DOP1B: variants seen among roughly 807,000 people sequenced by gnomAD.
The protein encoded by DOP1B is protein DOP1B.
DOP1B carries 174 observed loss-of-function variants against 233.5 expected under a neutral mutation model. The observed-to-expected ratio is 0.75, with a 90% CI of 0.66 to 0.85. DOP1B has a LOEUF of 0.85. Among genes scored for constraint, DOP1B ranks in the 40% least tolerant of loss-of-function variants. DOP1B has a pLI of 0.00. For synonymous variants in DOP1B, 1,190 were observed against 1,185.6 expected (o/e 1.00, Z -0.08); for missense variants, 2,652 against 2,846.6 (o/e 0.93, Z 1.56).
chr21:36,282,757 C>T (rs2067432450), intron 32 of DOP1B, among the ~76,000 whole-genome samples: 1 of 152,116 alleles, frequency 6.6e-6, no homozygotes, highest in Non-Finnish European at 1.5e-5. Flanking sequence ...GGGTGGATCT[C>T]TTGAGGTCAG....
At chr21:36,228,064 C>T (rs952846132) in intron 13 of DOP1B, among the ~76,000 whole-genome samples, 187 bp downstream of exon 13, 2 of 152,164 alleles carry the variant, frequency 1.3e-5, no homozygotes, top group African/African-American at 4.8e-5. Flanking sequence ...TACAATGGCT[C>T]ACACCTGTAA....
chr21:36,232,502 G>C (rs765940344), intron 14 of DOP1B, among the ~76,000 whole-genome samples: 4 of 152,102 alleles, frequency 2.6e-5, no homozygotes, highest in African/African-American at 9.7e-5. Context: ...CATCAGTCCC[G>C]TCTCTGCCTT....
intron 2 of DOP1B, among the ~76,000 whole-genome samples, chr21:36,166,268 C>T (rs559703148): frequency 1.8e-4 from 27 of 151,708 alleles, no homozygotes; most frequent in African/African-American, 5.8e-4. Flanking sequence ...AACCCTGTCT[C>T]TACTAAAAAT....
chr21:36,188,127 A>G (rs952264890), intron 2 of DOP1B, among the ~76,000 whole-genome samples: 5 of 152,326 alleles, frequency 3.3e-5, no homozygotes, highest in South Asian at 2.1e-4. Context: ...GTATGTGGAT[A>G]ACTCATGCTG....
At chr21:36,214,973 G>A (rs1056781703) in intron 9 of DOP1B, among the ~76,000 whole-genome samples, 2 of 152,192 alleles carry the variant, frequency 1.3e-5, no homozygotes, top group African/African-American at 4.8e-5. Flanking sequence ...AGCCCAGGGG[G>A]TCGAGGCTGC....
chr21:36,271,137 A>G (rs538136477), intron 27 of DOP1B, among the ~76,000 whole-genome samples: 10 of 151,994 alleles, frequency 6.6e-5, no homozygotes, highest in Admixed American at 3.9e-4. Flanking sequence ...AAAAAAAAAA[A>G]AAAGTTTAGG....
rs757201701 is a variant in DOP1B, at chr21:36,214,572, C to T, written c.1129+16C>T. The stretch of plus-strand genomic sequence containing the variant: ...CCAGAAATAGGTAATGTTAGAAATG[C>T]TGCTTCTATCCTATGCTGAATACAG... On this transcript the variant is annotated intron_variant, in intron 9 of 36. Transcript: ENST00000691173. 2 of 1,606,524 alleles carry T rather than the reference C, an allele frequency of 1.2e-6. No individual in the cohort carries two copies. Among genetic ancestry groups the T allele is most frequent in the Admixed American group, 3.3e-5 (2 of 59,758 alleles).
intron 13 of DOP1B, among the ~76,000 whole-genome samples, chr21:36,228,910 G>A (rs2066725878): frequency 6.6e-6 from 1 of 152,206 alleles, no homozygotes; most frequent in Non-Finnish European, 1.5e-5. Context: ...GGTTGAGGCT[G>A]CAGTGAGCCA....
intron 21 of DOP1B, among the ~76,000 whole-genome samples, chr21:36,250,590 G>A (rs974091264): frequency 1.3e-5 from 2 of 152,144 alleles, no homozygotes; most frequent in Non-Finnish European, 2.9e-5. Context: ...GAAACGTGGC[G>A]GGAACACAGA....
chr21:36,175,101 TTTC>T (rs1056133699), intron 2 of DOP1B, among the ~76,000 whole-genome samples: 9 of 143,734 alleles, frequency 6.3e-5, no homozygotes, highest in Admixed American at 5.2e-4. Context: ...TGTATCCAGA[TTTC>T]TTCTTCTTCT....
At chr21:36,283,192 C>T (rs577782414) in intron 32 of DOP1B, among the ~76,000 whole-genome samples, 50 of 152,060 alleles carry the variant, frequency 3.3e-4, no homozygotes, top group Non-Finnish European at 6.2e-4. Flanking sequence ...AGTGATTCTC[C>T]TGCCTCAGCC....
In DOP1B at chr21:36,233,139, G is replaced by A. The variant is rs149686939; in HGVS notation, c.2622+64G>A. The A allele has an allele frequency of 4.2e-3, 6,442 of 1,547,944 alleles. 49 individuals carry two copies. The highest frequency in any genetic ancestry group is 3.6e-3 in the Non-Finnish European group (4,170 of 1,145,784). The stretch of plus-strand genomic sequence containing the variant: ...CTCCCCCTGAGCAAAACTCAGAACC[G>A]TATTGCTGGGGATGGGGGCAGTGGC... On this transcript the variant is annotated intron_variant, in intron 15 of 36. Transcript: ENST00000691173.
At chr21:36,277,142 G>C in intron 28 of DOP1B, 42 bp downstream of exon 28, 1 of 1,593,122 alleles carries the variant, frequency 6.3e-7, no homozygotes, top group Non-Finnish European at 8.6e-7. Context: ...GGAAATGAGC[G>C]CCATCACGAA....
In DOP1B at chr21:36,169,981, A is replaced by T; in HGVS notation, c.138+5110A>T. ...GGCCTCTACCACCTCCTTCACTTTC[A>T]CCTTGGATCTTGGCCTGTCGACTTC... On this transcript the variant is annotated intron_variant, in intron 2 of 36. Transcript: ENST00000691173. 13 of 761,748 alleles carry T rather than the reference A, an allele frequency of 1.7e-5. No individual in the cohort carries two copies. The South Asian group carries it at 1.8e-4, about 10-fold the overall frequency. 47.2% of individuals were successfully genotyped at this position (761,748 alleles called of 1,614,324 possible). A position where few individuals can be genotyped will look rare whatever the true frequency, so the allele number is the denominator to read the frequency against.
chr21:36,214,332 G>A, intron 8 of DOP1B, 110 bp from the exon 9 acceptor site: 7 of 1,293,684 alleles, frequency 5.4e-6, no homozygotes, highest in Non-Finnish European at 7.5e-6. Context: ...TGCATGCTGG[G>A]TGACTGGTTT....
At chr21:36,282,672 T>G (rs893253337) in intron 32 of DOP1B, among the ~76,000 whole-genome samples, 1 of 151,886 alleles carries the variant, frequency 6.6e-6, no homozygotes, top group Non-Finnish European at 1.5e-5. Context: ...ATTCTTTGAC[T>G]GCATCAAAAA....
intron 2 of DOP1B, among the ~76,000 whole-genome samples, chr21:36,187,624 TGA>T (rs2066179307): frequency 6.6e-6 from 1 of 151,864 alleles, no homozygotes. Context: ...ATTTTATTTT[TGA>T]GACAGGGTCT....
chr21:36,245,369 C>A lies in DOP1B; in HGVS notation c.3389C>A (p.Ser1130Tyr). ...TDSENTSSFSSPSHDLQELSN... is the reference protein window; with the variant it reads ...TDSENTSSFSYPSHDLQELSN... ...AGCGAGAACACGTCCTCCTTCTCCT[C>A]CCCTTCCCACGACCTGCAGGAGCTG... Residue 1130 changes from serine (S) to tyrosine (Y), a missense_variant, in exon 19 of 37, where the codon TCC becomes TAC. Ser to Tyr is a moderately radical substitution (Grantham distance 144). Coordinates refer to ENST00000691173, the MANE Select transcript of DOP1B (RefSeq NM_001320714.2). This position sits in a 1 kb window ranked among gnomAD's most constrained non-coding sequence, Gnocchi z 5.5. 1 of 1,614,104 alleles carries A rather than the reference C, an allele frequency of 6.2e-7. No homozygotes were observed. Among genetic ancestry groups the A allele is most frequent in the East Asian group, 2.2e-5 (1 of 44,884 alleles).
At chr21:36,250,427 A>G (rs1425835839) in intron 21 of DOP1B, among the ~76,000 whole-genome samples, 1 of 152,146 alleles carries the variant, frequency 6.6e-6, no homozygotes, top group South Asian at 2.1e-4. Flanking sequence ...CAGGGCTTCA[A>G]AGAAACACAG....
Sources: allele counts gnomAD v4.1 joint callset (sites outside exome capture counted in the v4.1 genomes callset), GRCh38; gene constraint gnomAD v4.1.1; non-coding constraint Gnocchi (gnomAD v3.1); transcripts MANE v1.5; gene names NCBI Gene and HGNC (gene_info 2026-07-23, HGNC 2026-07-21).